Variants in SLC25A21 observed in about 807,000 individuals in gnomAD.
SLC25A21 encodes the protein solute carrier family 25 member 21, also known as mitochondrial 2-oxodicarboxylate carrier.
In SLC25A21, 47 loss-of-function variants were observed where a neutral mutation model predicts 43.8. That is an observed-to-expected ratio of 1.07 (90% CI 0.85 to 1.37). The LOEUF is 1.37. Ranked by LOEUF, SLC25A21 falls within the 40% of genes most tolerant of loss-of-function variation. The probability of loss-of-function intolerance (pLI) is 0.00; values close to 1 mark genes in which losing one functional copy is unlikely to be tolerated. For synonymous variants in SLC25A21, 131 were observed against 121.3 expected (o/e 1.08, Z -0.52); for missense variants, 352 against 350.2 (o/e 1.00, Z -0.04).
At chr14:37,160,856 G>A (rs752445901) in intron 1 of SLC25A21, among the ~76,000 whole-genome samples, 1 of 151,666 alleles carries the variant, frequency 6.6e-6, no homozygotes, top group Non-Finnish European at 1.5e-5. Flanking sequence ...CTTGAACCCA[G>A]GAGGCAGAGG....
chr14:37,011,043 T>C (rs929984133), intron 1 of SLC25A21, among the ~76,000 whole-genome samples: 3 of 152,176 alleles, frequency 2.0e-5, no homozygotes, highest in African/African-American at 7.2e-5. Context: ...CGTGCCACCC[T>C]GCCCAGCTAA....
intron 3 of SLC25A21, among the ~76,000 whole-genome samples, chr14:36,780,183 TG>T (rs1266857013): frequency 6.6e-6 from 1 of 151,944 alleles, no homozygotes; most frequent in Non-Finnish European, 1.5e-5. Flanking sequence ...TGATATCAGT[TG>T]TAATGTCTTC....
intron 1 of SLC25A21, among the ~76,000 whole-genome samples, chr14:36,895,630 T>G (rs1054135521): frequency 4.6e-5 from 7 of 152,204 alleles, no homozygotes; most frequent in Non-Finnish European, 8.8e-5. Flanking sequence ...AATTGTGATG[T>G]TAGGGTGTCA....
At chr14:37,068,135 T>C (rs975926018) in intron 1 of SLC25A21, among the ~76,000 whole-genome samples, 4 of 152,224 alleles carry the variant, frequency 2.6e-5, no homozygotes, top group South Asian at 2.1e-4. Context: ...TCAGGGTTCA[T>C]AGTCACCACA....
chr14:37,022,533 C>T (rs967105964), intron 1 of SLC25A21, among the ~76,000 whole-genome samples: 4 of 151,900 alleles, frequency 2.6e-5, no homozygotes, highest in African/African-American at 7.2e-5. Context: ...CTCTCAACAA[C>T]CTCTTAGCAA....
At chr14:36,899,247 G>C (rs73252898) in intron 1 of SLC25A21, among the ~76,000 whole-genome samples, 2,359 of 151,656 alleles carry the variant, frequency 0.016, 69 homozygotes, top group African/African-American at 0.054. Flanking sequence ...AACTAAAATT[G>C]AGGTAAAATA....
At chr14:36,722,171 A>G (rs896583265) in intron 6 of SLC25A21, among the ~76,000 whole-genome samples, 19 of 152,246 alleles carry the variant, frequency 1.2e-4, no homozygotes, top group African/African-American at 3.9e-4. Flanking sequence ...TAAATTTAGT[A>G]TAAAAGAAGA....
At chr14:36,731,451 T>C (rs892037669) in intron 4 of SLC25A21, among the ~76,000 whole-genome samples, 6 of 152,188 alleles carry the variant, frequency 3.9e-5, no homozygotes, top group Admixed American at 1.3e-4. Context: ...TTTTAGATTA[T>C]CATTAAATAA....
At chr14:36,873,292 A>C (rs1890426303) in intron 2 of SLC25A21, among the ~76,000 whole-genome samples, 1 of 151,362 alleles carries the variant, frequency 6.6e-6, no homozygotes, top group Non-Finnish European at 1.5e-5. Flanking sequence ...TTTTTCTTTT[A>C]TTGATTTATT....
chr14:36,848,311 GT>G (rs1889613136), intron 2 of SLC25A21, among the ~76,000 whole-genome samples: 1 of 152,186 alleles, frequency 6.6e-6, no homozygotes, highest in Non-Finnish European at 1.5e-5. Flanking sequence ...AGAATTATAC[GT>G]TATGTATATT....
At chr14:37,081,997 T>C (rs746255875) in intron 1 of SLC25A21, among the ~76,000 whole-genome samples, 1 of 152,100 alleles carries the variant, frequency 6.6e-6, no homozygotes, top group Non-Finnish European at 1.5e-5. Context: ...TTTCCAAAGA[T>C]AGTGGTAAAA....
At chr14:37,035,995 T>C (rs1171612668) in intron 1 of SLC25A21, among the ~76,000 whole-genome samples, 1 of 152,236 alleles carries the variant, frequency 6.6e-6, no homozygotes, top group East Asian at 1.9e-4. Context: ...AAAAATCTCT[T>C]GTCCTTCTGT....
intron 1 of SLC25A21, among the ~76,000 whole-genome samples, chr14:37,098,860 TG>T (rs1217627036): frequency 7.9e-5 from 12 of 151,036 alleles, no homozygotes; most frequent in African/African-American, 2.7e-4. Flanking sequence ...TGGAGTGCAA[TG>T]GCATGATCTC....
intron 2 of SLC25A21, among the ~76,000 whole-genome samples, chr14:36,826,682 T>C (rs563450944): frequency 3.9e-5 from 6 of 152,358 alleles, no homozygotes; most frequent in African/African-American, 1.4e-4. Flanking sequence ...CAGATCATTT[T>C]TGTATGTGTT....
In SLC25A21 at chr14:36,844,081, A is replaced by C. The variant is rs142124087; in HGVS notation, c.120-30080T>G. 4.2e-3 allele frequency among the ~76,000 whole-genome samples: 640 copies of C among 152,334 alleles called. 7 individuals carry two copies. Among genetic ancestry groups the C allele is most frequent in the African/African-American group, 0.014 (583 of 41,576 alleles). ...TGTGCACTTTTCAGTGTGTCACATTAGGAGGCACGAAGCCAGCCTGTCTCA... is the reference window on the plus strand; with the variant it reads ...TGTGCACTTTTCAGTGTGTCACATTCGGAGGCACGAAGCCAGCCTGTCTCA... On this transcript the variant is annotated intron_variant, in intron 2 of 9. Coordinates refer to ENST00000331299, the MANE Select transcript of SLC25A21 (RefSeq NM_030631.4).
intron 1 of SLC25A21, among the ~76,000 whole-genome samples, chr14:36,953,234 C>A (rs1892857864): frequency 6.6e-6 from 1 of 152,060 alleles, no homozygotes; most frequent in Non-Finnish European, 1.5e-5. Flanking sequence ...ATAAATATAG[C>A]AAGATATTTT....
chr14:37,076,170 C>CT (rs1047825510), intron 1 of SLC25A21, among the ~76,000 whole-genome samples: 2 of 151,954 alleles, frequency 1.3e-5, no homozygotes, highest in African/African-American at 4.8e-5. Context: ...CTTTCTTCTT[C>CT]TTTTTTTTAA....
rs117343069 is a variant in SLC25A21, at chr14:36,840,425, G to A, written c.120-26424C>T. On this transcript the variant is annotated intron_variant, in intron 2 of 9. Coordinates refer to ENST00000331299, the MANE Select transcript of SLC25A21 (RefSeq NM_030631.4). ...AATAACTGTTATGTTATTCCTAGTC[G>A]GAATTATCTTTTATCTACCAAAGGT... 9.3e-3 allele frequency among the ~76,000 whole-genome samples: 1,413 copies of A among 152,086 alleles called. 64 individuals are homozygous for A. Among genetic ancestry groups the A allele is most frequent in the Admixed American group, 0.078 (1,192 of 15,276 alleles).
At chr14:36,856,031 G>A (rs1439228118) in intron 2 of SLC25A21, among the ~76,000 whole-genome samples, 3 of 152,086 alleles carry the variant, frequency 2.0e-5, no homozygotes, top group Non-Finnish European at 2.9e-5. Context: ...AGAATTATCT[G>A]GACCAAAGTG....
Sources: gnomAD v4.1 joint callset for allele counts (sites outside exome capture counted in the v4.1 genomes callset) on GRCh38, gnomAD v4.1.1 for gene constraint, MANE v1.5 for transcripts, NCBI Gene and HGNC (gene_info 2026-07-23, HGNC 2026-07-21) for gene names.